FOXN4: variants seen among roughly 807,000 people sequenced by gnomAD.
FOXN4 encodes forkhead box N4.
In FOXN4, 12 loss-of-function variants were observed where a neutral mutation model predicts 45.0. The ratio of observed to expected loss-of-function variants is 0.27; its 90% confidence interval spans 0.17 to 0.43. The LOEUF (loss-of-function observed/expected upper bound fraction) is 0.43. FOXN4 is among the 20% of genes least tolerant of loss of function. The pLI, the probability that FOXN4 is intolerant of heterozygous loss-of-function variation, is 1.00. For synonymous variants in FOXN4, 297 were observed against 295.0 expected (o/e 1.01, Z -0.07); for missense variants, 560 against 694.9 (o/e 0.81, Z 2.18).
chr12:109,294,865 G>A (rs1209266753), intron 2 of FOXN4, among the ~76,000 whole-genome samples: 1 of 151,838 alleles, frequency 6.6e-6, no homozygotes, highest in Admixed American at 6.6e-5. Flanking sequence ...TCCCTCATCA[G>A]TGCCTGAAGT....
Position 109,290,755 on chromosome 12 carries a change from T to C in FOXN4, c.87-469A>G, listed in dbSNP as rs1419688254. On this transcript the variant is annotated intron_variant, in intron 2 of 9. Transcript: ENST00000299162. This position sits in a 1 kb window ranked among gnomAD's most constrained non-coding sequence, Gnocchi z 5.1. The stretch of plus-strand genomic sequence containing the variant: ...ACCTGCCATGACAAGATCAGTCACC[T>C]GACTCCATGTCCAGGGCAGTTTCCT... 6.6e-6 allele frequency among the ~76,000 whole-genome samples: 1 copy of C among 152,208 alleles called. No homozygotes were observed. Among genetic ancestry groups the C allele is most frequent in the East Asian group, 1.9e-4 (1 of 5,192 alleles).
intron 2 of FOXN4, among the ~76,000 whole-genome samples, chr12:109,304,292 A>AAAGAAAGAAAGAAAGAAAGG (rs1566005745): frequency 4.4e-5 from 2 of 45,542 alleles, no homozygotes; most frequent in East Asian, 4.5e-4. Context: ...AGAAAGAAAG[A>AAAGAAAGAAAGAAAGAAAGG]AAGGAGAAAG....
intron 2 of FOXN4, among the ~76,000 whole-genome samples, chr12:109,307,642 T>G (rs1203891661): frequency 1.3e-5 from 2 of 152,170 alleles, no homozygotes; most frequent in African/African-American, 4.8e-5. Flanking sequence ...CAGTTGTACC[T>G]TGCTTCACCC....
chr12:109,298,527 A>G (rs1566003746), intron 2 of FOXN4, among the ~76,000 whole-genome samples: 1 of 151,736 alleles, frequency 6.6e-6, no homozygotes, highest in East Asian at 1.9e-4. Flanking sequence ...ACACCCAGCT[A>G]ATTTTTGGCA....
intron 2 of FOXN4, among the ~76,000 whole-genome samples, chr12:109,307,871 GT>G (rs936920613): frequency 1.3e-5 from 2 of 151,288 alleles, no homozygotes; most frequent in African/African-American, 2.4e-5. Flanking sequence ...CTCCCAGAAG[GT>G]TTTTTTTTGG....
At chr12:109,280,018 C>T in intron 9 of FOXN4, 88 bp from the exon 10 acceptor site, 1 of 1,554,162 alleles carries the variant, frequency 6.4e-7, no homozygotes, top group Non-Finnish European at 8.7e-7. Context: ...AGGCAGAGAC[C>T]ATGTGTGGTG....
rs2047632607 is a variant in FOXN4, at chr12:109,279,588, C to G, written c.*83G>C. On this transcript the variant is annotated 3_prime_UTR_variant, in exon 10 of 10. Coordinates refer to ENST00000299162, the MANE Select transcript of FOXN4 (RefSeq NM_213596.3). Reference sequence around the variant, plus strand: ...GAGAGGCTTCGGGGACAATGAGGGACCTGCCTTCTGGGAACACCCTGTTCT... The same window carrying G: ...GAGAGGCTTCGGGGACAATGAGGGAGCTGCCTTCTGGGAACACCCTGTTCT... 1 of 1,525,116 alleles carries G rather than the reference C, an allele frequency of 6.6e-7. No homozygotes were observed. Among genetic ancestry groups the G allele is most frequent in the South Asian group, 1.2e-5 (1 of 81,240 alleles). The allele number at this position is 1,525,116 out of a possible 1,614,324, so 94.5% of individuals were successfully genotyped here. A position where few individuals can be genotyped will look rare whatever the true frequency, so the allele number is the denominator to read the frequency against.
rs2047716215 is a variant in FOXN4, at chr12:109,286,778, G to GCAGGA, written c.597-39_597-35dup. 9.5e-6 allele frequency: 15 copies of GCAGGA among 1,572,952 alleles called. No homozygotes were observed. In the East Asian group the frequency reaches 2.9e-4, roughly 31 times the overall value. ...AGGAGGTGGGGCAGGGCAGGGCAGG[G>GCAGGA]CAGGACAGGGCAGGCCAGGCATGAA... On this transcript the variant is annotated intron_variant, in intron 6 of 9. Coordinates refer to ENST00000299162, the MANE Select transcript of FOXN4 (RefSeq NM_213596.3).
chr12:109,302,770 T>C (rs1297814831), intron 2 of FOXN4, among the ~76,000 whole-genome samples: 2 of 152,152 alleles, frequency 1.3e-5, no homozygotes, highest in Admixed American at 6.5e-5. Context: ...TTCAGAGACA[T>C]GTCCCGCCCT....
chr12:109,288,040 A>G lies in FOXN4; in HGVS notation c.357+16T>C, dbSNP rs1342664134. ...GGGCACTACCCGCCCTCCGCAGTCC[A>G]TGCAGTGCCACTTACGCTGTCTCTG... On this transcript the variant is annotated intron_variant, in intron 4 of 9. Coordinates refer to ENST00000299162, the MANE Select transcript of FOXN4 (RefSeq NM_213596.3). The surrounding 1 kb of genome is among the most constrained non-coding windows in gnomAD (Gnocchi z 4.3). The G allele has an allele frequency of 3.2e-6, 5 of 1,550,328 alleles. No individual in the cohort carries two copies. Among genetic ancestry groups the G allele is most frequent in the Admixed American group, 2.0e-5 (1 of 50,870 alleles).
chr12:109,303,291 G>A (rs2047884156), intron 2 of FOXN4, among the ~76,000 whole-genome samples: 1 of 152,200 alleles, frequency 6.6e-6, no homozygotes, highest in Admixed American at 6.5e-5. Context: ...CTGCCCCTAA[G>A]AAACGGAGCC....
Position 109,288,297 on chromosome 12 carries a change from G to A in FOXN4, c.233-117C>T. The A allele has an allele frequency of 7.2e-7, 1 of 1,386,452 alleles. No individual in the cohort carries two copies. Among genetic ancestry groups the A allele is most frequent in the Non-Finnish European group, 9.6e-7 (1 of 1,042,596 alleles). 85.9% of individuals were successfully genotyped at this position (1,386,452 alleles called of 1,614,324 possible). ...GAGCCAGCCCCTTTCCTCGGACCAG[G>A]CACATAGTAGGTGCTTGGCAAATCA... On this transcript the variant is annotated intron_variant, in intron 3 of 9. Transcript: ENST00000299162. The surrounding 1 kb of genome is among the most constrained non-coding windows in gnomAD (Gnocchi z 4.3).
At position 109,288,338 on chromosome 12, in the gene FOXN4, G is replaced by A. The variant is rs376046729; in HGVS notation, c.233-158C>T. On this transcript the variant is annotated intron_variant, in intron 3 of 9. Transcript: ENST00000299162. The surrounding 1 kb of genome is among the most constrained non-coding windows in gnomAD (Gnocchi z 4.3). ...TGGCAAATCACTTCCCTGGTGTGTA[G>A]TGAAAAGTAGGTTCTTACCAGCTGT... 1.1e-4 allele frequency among the ~76,000 whole-genome samples: 16 copies of A among 152,320 alleles called. No individual in the cohort carries two copies. The highest frequency in any genetic ancestry group is 3.4e-3 in the Middle Eastern group (1 of 294).
intron 2 of FOXN4, among the ~76,000 whole-genome samples, chr12:109,300,402 T>G (rs901962876): frequency 3.3e-5 from 5 of 152,148 alleles, no homozygotes; most frequent in African/African-American, 1.2e-4. Flanking sequence ...CCTGAGAGCC[T>G]GTGGGGACAG....
rs548258685 is a variant in FOXN4 at position 109,291,650 on chromosome 12, C to T, written c.87-1364G>A. ...TGTTTTAGGGCCACAATTAGCGTTG[C>T]CATGGCCACACTGCTCAGTTGTCGC... On this transcript the variant is annotated intron_variant, in intron 2 of 9. Coordinates refer to ENST00000299162, the MANE Select transcript of FOXN4 (RefSeq NM_213596.3). This position sits in a 1 kb window ranked among gnomAD's most constrained non-coding sequence, Gnocchi z 6.6. Among the ~76,000 whole-genome samples the T allele has an allele frequency of 3.9e-5, 6 of 152,282 alleles. No individual in the cohort carries two copies. The highest frequency in any genetic ancestry group is 1.4e-4 in the African/African-American group (6 of 41,558).
intron 2 of FOXN4, among the ~76,000 whole-genome samples, chr12:109,298,615 G>A (rs1015413329): frequency 7.2e-5 from 11 of 152,012 alleles, no homozygotes; most frequent in African/African-American, 2.4e-4. Flanking sequence ...CGCCCACCTC[G>A]GCCTCCCAAA....
rs111524331 is a variant in FOXN4 at position 109,291,866 on chromosome 12, G to C, written c.87-1580C>G. Among the ~76,000 whole-genome samples, 2 of 152,146 alleles carry C rather than the reference G, an allele frequency of 1.3e-5. No homozygotes were observed. The highest frequency in any genetic ancestry group is 3.9e-4 in the East Asian group (2 of 5,168). On this transcript the variant is annotated intron_variant, in intron 2 of 9. Transcript: ENST00000299162. This position sits in a 1 kb window ranked among gnomAD's most constrained non-coding sequence, Gnocchi z 6.6. Reference sequence around the variant, plus strand: ...TGTGTGACAAACGACTGTTGCCCCTGTGGCACGTGGCCCCCATTGTCCCAG... The same window carrying C: ...TGTGTGACAAACGACTGTTGCCCCTCTGGCACGTGGCCCCCATTGTCCCAG...
chr12:109,308,210 T>C (rs747041858), intron 2 of FOXN4, 26 bp downstream of exon 2: 17 of 1,512,478 alleles, frequency 1.1e-5, no homozygotes, highest in Non-Finnish European at 1.5e-5. Context: ...AAAAAATATA[T>C]AGTTTGTTAT....
At chr12:109,300,900 C>A (rs892735411) in intron 2 of FOXN4, among the ~76,000 whole-genome samples, 2 of 152,088 alleles carry the variant, frequency 1.3e-5, no homozygotes, top group South Asian at 2.1e-4. Context: ...CAGAGCAAGA[C>A]CCTGTCTCTA....
Sources: gnomAD v4.1 joint callset for allele counts (sites outside exome capture counted in the v4.1 genomes callset) on GRCh38, gnomAD v4.1.1 for gene constraint, Gnocchi (gnomAD v3.1) non-coding constraint, MANE v1.5 for transcripts, NCBI Gene and HGNC (gene_info 2026-07-23, HGNC 2026-07-21) for gene names.